WDR27: variants seen among roughly 807,000 people sequenced by gnomAD.
WDR27 encodes the protein WD repeat domain 27.
WDR27 carries 100 observed loss-of-function variants against 114.4 expected under a neutral mutation model. That is an observed-to-expected ratio of 0.87 (90% confidence interval 0.74 to 1.03). WDR27 has a LOEUF of 1.03. Among genes scored for constraint, WDR27 ranks in the 50% least tolerant of loss-of-function variants. The pLI, the probability that WDR27 is intolerant of heterozygous loss-of-function variation, is 0.00. For synonymous variants in WDR27, 449 were observed against 423.1 expected (o/e 1.06, Z -0.75); for missense variants, 1,129 against 1,092.9 (o/e 1.03, Z -0.47).
intron 1 of WDR27, among the ~76,000 whole-genome samples, chr6:169,690,617 G>A (rs1784235773): frequency 6.6e-6 from 1 of 152,172 alleles, no homozygotes; most frequent in African/African-American, 2.4e-5. Flanking sequence ...GAGGCAGCAG[G>A]ACATGGATCC....
chr6:169,618,927 T>C (rs1424103223), intron 21 of WDR27, among the ~76,000 whole-genome samples: 4 of 152,200 alleles, frequency 2.6e-5, no homozygotes, highest in African/African-American at 9.7e-5. Flanking sequence ...CTTACACTCT[T>C]TCCCTTTCAT....
intron 1 of WDR27, among the ~76,000 whole-genome samples, chr6:169,700,795 T>C (rs1009921508): frequency 1.3e-5 from 2 of 152,222 alleles, no homozygotes. Context: ...TACAAAACAT[T>C]TAAACAATGC....
chr6:169,495,832 T>C (rs1483472518), intron 25 of WDR27, among the ~76,000 whole-genome samples: 2 of 152,058 alleles, frequency 1.3e-5, no homozygotes, highest in Non-Finnish European at 2.9e-5. Flanking sequence ...TGGTGAGTTC[T>C]GCCAAAAATT....
intron 1 of WDR27, among the ~76,000 whole-genome samples, chr6:169,691,121 A>G (rs1157300350): frequency 1.3e-5 from 2 of 152,172 alleles, no homozygotes; most frequent in Non-Finnish European, 2.9e-5. Context: ...AGGCTGAGGC[A>G]GGAGAATGGC....
intron 24 of WDR27, among the ~76,000 whole-genome samples, chr6:169,577,106 G>A (rs1035210661): frequency 1.4e-4 from 21 of 148,980 alleles, no homozygotes; most frequent in Non-Finnish European, 2.2e-4. Flanking sequence ...AAAGAGTTAC[G>A]TGGGCCACAA....
chr6:169,426,752 A>G, the WDR27 span: 5 of 152,234 alleles, frequency 3.3e-5, no homozygotes, highest in Non-Finnish European at 7.3e-5. Context: ...GCTGCACAGT[A>G]TCTGCTGAGG....
At chr6:169,428,239 T>C in the WDR27 span, among the ~76,000 whole-genome samples, 1 of 152,212 alleles carries the variant, frequency 6.6e-6, no homozygotes, top group Admixed American at 6.5e-5. Context: ...GCCGTCTCTC[T>C]TGCCCTGCTT....
At chr6:169,563,858 G>A (rs1406744839) in intron 25 of WDR27, among the ~76,000 whole-genome samples, 2 of 152,318 alleles carry the variant, frequency 1.3e-5, no homozygotes, top group African/African-American at 2.4e-5. Flanking sequence ...GCTCAGAGGC[G>A]CTAAAAACAT....
chr6:169,639,731 A>T (rs1480585063), intron 17 of WDR27, among the ~76,000 whole-genome samples: 1 of 152,140 alleles, frequency 6.6e-6, no homozygotes, highest in African/African-American at 2.4e-5. Flanking sequence ...CTCCCAGCCT[A>T]ACCCTGGGGC....
chr6:169,589,655 A>G (rs1490173665), intron 23 of WDR27, among the ~76,000 whole-genome samples: 2 of 152,220 alleles, frequency 1.3e-5, no homozygotes, highest in African/African-American at 4.8e-5. Flanking sequence ...AGCAATTGGA[A>G]GCCCAAATAT....
At chr6:169,630,445 C>T (rs757745827) in intron 21 of WDR27, among the ~76,000 whole-genome samples, 17 of 152,212 alleles carry the variant, frequency 1.1e-4, no homozygotes, top group Non-Finnish European at 2.4e-4. Context: ...CCCTAGTCTG[C>T]ACTCAGGTAT....
chr6:169,486,088 A>G (rs1368361660), intron 25 of WDR27, among the ~76,000 whole-genome samples: 1 of 152,172 alleles, frequency 6.6e-6, no homozygotes, highest in Non-Finnish European at 1.5e-5. Context: ...AACCTGCACA[A>G]CAAATCCCCT....
At chr6:169,452,037 C>G in the WDR27 span, among the ~76,000 whole-genome samples, 1 of 152,184 alleles carries the variant, frequency 6.6e-6, no homozygotes, top group African/African-American at 2.4e-5. Context: ...AGATGGTCAA[C>G]TTAGCTATTC....
chr6:169,644,159 A>C (rs983129501), intron 16 of WDR27, among the ~76,000 whole-genome samples: 84 of 141,556 alleles, frequency 5.9e-4, no homozygotes, highest in African/African-American at 1.9e-3. Context: ...GTCACACTGT[A>C]GAAAAGCCTA....
chr6:169,655,054 T>C (rs923457553), intron 13 of WDR27, among the ~76,000 whole-genome samples: 2 of 152,210 alleles, frequency 1.3e-5, no homozygotes, highest in African/African-American at 4.8e-5. Flanking sequence ...GCCTTCTCTC[T>C]CCCTCGCTTT....
intron 7 of WDR27, chr6:169,664,947 G>A (rs1263223199): frequency 5.6e-5 from 3 of 53,278 alleles, no homozygotes; most frequent in East Asian, 5.7e-4. Context: ...CGTCCAGGGC[G>A]CCTCTCCGGG....
intron 25 of WDR27, among the ~76,000 whole-genome samples, chr6:169,498,355 G>A (rs1790674994): frequency 6.6e-6 from 1 of 152,106 alleles, no homozygotes; most frequent in Non-Finnish European, 1.5e-5. Flanking sequence ...TAAAAGTTAT[G>A]GAGATAGGTG....
In WDR27 at chr6:169,572,440, AG is replaced by A. The variant is rs1801582611; in HGVS notation, c.2623del (p.Leu875SerfsTer16). 1 of 148,384 alleles carries A rather than the reference AG, an allele frequency of 6.7e-6. No homozygotes were observed. The highest frequency in any genetic ancestry group is 6.9e-5 in the Admixed American group (1 of 14,524). The allele number at this position is 148,384 out of a possible 1,614,324, so 9.2% of individuals were successfully genotyped here. A position where few individuals can be genotyped will look rare whatever the true frequency, so the allele number is the denominator to read the frequency against. ...GTACCTGTAATCCCAGCTACTCGGG[AG>A]GCTGAGGCAGAAGAATTGCTTGAAC... is the stretch of plus-strand genomic sequence containing the variant. Reference protein sequence around the residue: ...SRFKQFFCLSLPSSWDYSLPQ... With the variant: ...SRFKQFFCLSXPSSWDYSLPQ... On this transcript the variant is annotated frameshift_variant, in exon 25 of 26. Coordinates refer to ENST00000448612, the MANE Select transcript of WDR27 (RefSeq NM_182552.5). LOFTEE classifies it high-confidence loss of function.
chr6:169,612,219 C>G (rs1415787922), intron 22 of WDR27, among the ~76,000 whole-genome samples: 2 of 151,404 alleles, frequency 1.3e-5, no homozygotes, highest in Non-Finnish European at 2.9e-5. Flanking sequence ...ATCATGAGGT[C>G]AGGAGATCGA....
Sources: gnomAD v4.1 joint callset for allele counts (sites outside exome capture counted in the v4.1 genomes callset) on GRCh38, gnomAD v4.1.1 for gene constraint, MANE v1.5 for transcripts, NCBI Gene and HGNC (gene_info 2026-07-23, HGNC 2026-07-21) for gene names.